UPB1: variants seen among roughly 807,000 people sequenced by gnomAD.
UPB1 encodes the protein beta-ureidopropionase 1.
Under a neutral mutation model 49.1 loss-of-function variants are expected in UPB1, and 40 were observed. That is an observed-to-expected ratio of 0.81 (90% CI 0.63 to 1.06). UPB1 has a LOEUF of 1.06. Ranked by LOEUF, UPB1 falls within the 50% of genes least tolerant of loss-of-function variation. The probability of loss-of-function intolerance (pLI) is 0.00; values close to 1 mark genes in which losing one functional copy is unlikely to be tolerated. For missense variants in UPB1, 499 were observed against 505.9 expected, an observed-to-expected ratio of 0.99 and a Z score of 0.13; for synonymous variants, 207 against 198.2, an observed-to-expected ratio of 1.04 and a Z score of -0.38.
intron 5 of UPB1, among the ~76,000 whole-genome samples, chr22:24,513,917 TG>T (rs892045180): frequency 1.8e-4 from 27 of 152,138 alleles, no homozygotes; most frequent in Non-Finnish European, 1.9e-4. Context: ...CTGTGGATCA[TG>T]GGGGGGTCTG....
At chr22:24,511,015 T>C (rs1204205571) in intron 4 of UPB1, among the ~76,000 whole-genome samples, 172 bp downstream of exon 4, 2 of 152,120 alleles carry the variant, frequency 1.3e-5, no homozygotes, top group Non-Finnish European at 2.9e-5. Context: ...TAGCGTACTC[T>C]TAGAATTGGG....
At chr22:24,506,216 T>C (rs927626643) in intron 3 of UPB1, among the ~76,000 whole-genome samples, 5 of 151,542 alleles carry the variant, frequency 3.3e-5, no homozygotes, top group Admixed American at 6.6e-5. Flanking sequence ...AGACCAGGCT[T>C]CACCATGTTG....
At position 24,502,151 on chromosome 22, in the gene UPB1, A is replaced by T. The variant is rs1240021884; in HGVS notation, c.302A>T (p.Lys101Met). Residue 101 changes from lysine (K) to methionine (M), a missense_variant, in exon 3 of 10, where the codon AAG becomes ATG. Transcript: ENST00000326010. Reference protein sequence around the residue: ...EQVSALHRRIKAIVEVAAMCG... With the variant: ...EQVSALHRRIMAIVEVAAMCG... ...GTCTCTGCCCTTCATAGACGCATAAAGGCTATCGTAGAGGTGGCTGCAATG... is the reference window on the plus strand; with the variant it reads ...GTCTCTGCCCTTCATAGACGCATAATGGCTATCGTAGAGGTGGCTGCAATG... The T allele has an allele frequency of 6.2e-7, 1 of 1,614,198 alleles. No homozygotes were observed. Among genetic ancestry groups the T allele is most frequent in the Admixed American group, 1.7e-5 (1 of 60,024 alleles).
chr22:24,523,185 T>TG (rs2044426277), intron 8 of UPB1, among the ~76,000 whole-genome samples: 1 of 151,950 alleles, frequency 6.6e-6, no homozygotes, highest in Admixed American at 6.6e-5. Flanking sequence ...TCCTTACACA[T>TG]GTGTGGGGTG....
At chr22:24,519,683 C>A (rs2044354051) in intron 6 of UPB1, 1 of 152,804 alleles carries the variant, frequency 6.5e-6, no homozygotes, top group Non-Finnish European at 1.5e-5. Context: ...TGGGAAATGG[C>A]CCAGCTTGGA....
intron 1 of UPB1, among the ~76,000 whole-genome samples, chr22:24,496,050 A>G (rs6004167): frequency 0.25 from 38,318 of 151,972 alleles, 8,224 homozygotes; most frequent in African/African-American, 0.59. Flanking sequence ...TGAGGGCTGT[A>G]TACTGCTGGA....
At chr22:24,502,688 A>G (rs2044015655) in intron 3 of UPB1, 1 of 600,186 alleles carries the variant, frequency 1.7e-6, no homozygotes, top group South Asian at 2.1e-5. Context: ...ACCAAAAAAT[A>G]GCTATTATCC....
chr22:24,511,493 T>A (rs2044200807), intron 4 of UPB1, among the ~76,000 whole-genome samples: 1 of 152,064 alleles, frequency 6.6e-6, no homozygotes, highest in Non-Finnish European at 1.5e-5. Context: ...ATATCCTGAA[T>A]ACTACTGAAT....
intron 6 of UPB1, among the ~76,000 whole-genome samples, chr22:24,517,519 A>G (rs975673402): frequency 2.0e-5 from 3 of 152,214 alleles, no homozygotes; most frequent in African/African-American, 7.2e-5. Flanking sequence ...CAGGGCAGAC[A>G]AAGTTGTGGC....
rs2232865 is a variant in UPB1 at position 24,500,046 on chromosome 22, A to G, written c.105-61A>G. The G allele has an allele frequency of 0.027, 43,226 of 1,609,820 alleles. 1,341 individuals are homozygous for G. Among genetic ancestry groups the G allele is most frequent in the East Asian group, 0.11 (4,931 of 44,854 alleles). On this transcript the variant is annotated intron_variant, in intron 1 of 9. Transcript: ENST00000326010. ...TAAATAGCTACAAGAAATGGGAGAG[A>G]GATTTTAAGTGGAGCAGACTGCATC... is the stretch of plus-strand genomic sequence containing the variant.
At chr22:24,496,798 T>G (rs1201997975) in intron 1 of UPB1, among the ~76,000 whole-genome samples, 1 of 17,546 alleles carries the variant, frequency 5.7e-5, no homozygotes, top group Admixed American at 8.8e-4. Flanking sequence ...AGGTGAGGAC[T>G]CTGGGGCAGG....
chr22:24,513,822 C>A (rs116577505), intron 5 of UPB1, among the ~76,000 whole-genome samples: 2 of 152,190 alleles, frequency 1.3e-5, no homozygotes, highest in Non-Finnish European at 2.9e-5. Context: ...ATTGCACAAA[C>A]ATGAAATGAT....
rs753638837 is a variant in UPB1 at position 24,515,349 on chromosome 22, C to T, written c.770C>T (p.Ser257Leu). 115 of 1,614,118 alleles carry T rather than the reference C, an allele frequency of 7.1e-5. 1 individual carries two copies. The Admixed American group carries it at 1.5e-3, about 22-fold the overall frequency. Reference protein sequence around the residue: ...INGAEIIFNPSATIGALSESL... With the variant: ...INGAEIIFNPLATIGALSESL... ...GGGGCTGAGATCATCTTCAACCCCT[C>T]GGCCACGATAGGAGCACTCAGGTCA... Residue 257 changes from serine to leucine, a missense_variant, in exon 6 of 10, where the codon TCG (serine) becomes TTG (leucine). Physicochemically the swap from Ser to Leu is moderately radical, Grantham distance 145. Transcript: ENST00000326010.
At chr22:24,508,436 GTAA>G (rs1184355306) in intron 3 of UPB1, among the ~76,000 whole-genome samples, 1 of 152,080 alleles carries the variant, frequency 6.6e-6, no homozygotes, top group Non-Finnish European at 1.5e-5. Context: ...GCGGGCACCT[GTAA>G]TCCCAGCTAC....
At chr22:24,521,393 G>A (rs2044389866) in intron 7 of UPB1, among the ~76,000 whole-genome samples, 1 of 152,026 alleles carries the variant, frequency 6.6e-6, no homozygotes, top group African/African-American at 2.4e-5. Flanking sequence ...TGAGGCAGGA[G>A]AATTGCTTGA....
At chr22:24,499,493 G>A (rs937546118) in intron 1 of UPB1, among the ~76,000 whole-genome samples, 5 of 152,174 alleles carry the variant, frequency 3.3e-5, no homozygotes, top group African/African-American at 1.2e-4. Flanking sequence ...AAATGTGGAT[G>A]AGCACTTAGG....
At chr22:24,510,697 C>T (rs1568987634) in intron 3 of UPB1, 52 bp from the exon 4 acceptor site, 1 of 1,581,880 alleles carries the variant, frequency 6.3e-7, no homozygotes, top group East Asian at 2.2e-5. Context: ...GAGGAGCCCC[C>T]CTCAGAGGCT....
rs2044476518 is a variant in UPB1 at position 24,526,051 on chromosome 22, ATGTT to A, written c.*262_*265del. The A allele has an allele frequency of 2.0e-6, 1 of 495,180 alleles. No homozygotes were observed. The highest frequency in any genetic ancestry group is 3.8e-5 in the East Asian group (1 of 26,326). 30.7% of individuals were successfully genotyped at this position (495,180 alleles called of 1,614,324 possible). ...TGCCACTGAATTTGTATACTTCAGA[ATGTT>A]TGTTATGTAAATTTTACCTCAACTA... On this transcript the variant is annotated 3_prime_UTR_variant, in exon 10 of 10. Coordinates refer to ENST00000326010, the MANE Select transcript of UPB1 (RefSeq NM_016327.3).
At chr22:24,510,947 C>A in intron 4 of UPB1, 104 bp downstream of exon 4, 1 of 1,156,964 alleles carries the variant, frequency 8.6e-7, no homozygotes, top group Non-Finnish European at 1.3e-6. Flanking sequence ...AAAATGCACC[C>A]ATTTGGTGCT....
Sources: allele counts gnomAD v4.1 joint callset (sites outside exome capture counted in the v4.1 genomes callset), GRCh38; gene constraint gnomAD v4.1.1; transcripts MANE v1.5; gene names NCBI Gene and HGNC (gene_info 2026-07-23, HGNC 2026-07-21).